RABGAP1L: variants seen among roughly 807,000 people sequenced by gnomAD.
RABGAP1L encodes RAB GTPase activating protein 1 like, also known as rab GTPase-activating protein 1-like.
A neutral mutation model predicts 137.7 loss-of-function variants in RABGAP1L; 63 were observed. The ratio of observed to expected loss-of-function variants is 0.46; its 90% CI spans 0.37 to 0.56. The LOEUF (loss-of-function observed/expected upper bound fraction) is 0.56. Among genes scored for constraint, RABGAP1L ranks in the 20% least tolerant of loss-of-function variants. The probability of loss-of-function intolerance (pLI) is 0.00; values close to 1 mark genes in which losing one functional copy is unlikely to be tolerated. For missense variants in RABGAP1L, 1,095 were observed against 1,244.0 expected (o/e 0.88, Z 1.80); for synonymous variants, 431 against 433.7 (o/e 0.99, Z 0.08).
intron 1 of RABGAP1L, among the ~76,000 whole-genome samples, chr1:174,178,781 G>A (rs1666106104): frequency 6.6e-6 from 1 of 152,172 alleles, no homozygotes; most frequent in Admixed American, 6.5e-5. Flanking sequence ...GAGTTGAACA[G>A]TAAGAACACA....
intron 4 of RABGAP1L, among the ~76,000 whole-genome samples, chr1:174,235,168 C>T (rs1671059353): frequency 7.0e-6 from 1 of 143,852 alleles, no homozygotes; most frequent in Admixed American, 6.9e-5. Flanking sequence ...AGATTTTGGG[C>T]TGAGACAATG....
chr1:174,360,247 A>G (rs1034353688), intron 11 of RABGAP1L, among the ~76,000 whole-genome samples: 1 of 151,452 alleles, frequency 6.6e-6, no homozygotes, highest in Non-Finnish European at 1.5e-5. Flanking sequence ...AAAAGTTAAA[A>G]TTTTTTTTTG....
intron 13 of RABGAP1L, among the ~76,000 whole-genome samples, chr1:174,599,283 T>A (rs1371452107): frequency 6.6e-6 from 1 of 152,262 alleles, no homozygotes; most frequent in African/African-American, 2.4e-5. Flanking sequence ...TCTATTTAAA[T>A]CTTATTACAC....
chr1:174,237,519 T>C (rs2148534943), intron 4 of RABGAP1L, among the ~76,000 whole-genome samples: 1 of 60,896 alleles, frequency 1.6e-5, no homozygotes, highest in African/African-American at 7.1e-5. Context: ...TTATTTCTCC[T>C]TCACTTATGA....
intron 20 of RABGAP1L, among the ~76,000 whole-genome samples, chr1:174,964,157 C>T (rs530564466): frequency 6.6e-6 from 1 of 152,158 alleles, no homozygotes. Flanking sequence ...TAGCTGTCAA[C>T]TCTTTTAAAA....
intron 18 of RABGAP1L, among the ~76,000 whole-genome samples, chr1:174,777,992 A>G (rs1686665019): frequency 6.6e-6 from 1 of 152,218 alleles, no homozygotes; most frequent in Non-Finnish European, 1.5e-5. Context: ...TGAAGAAATA[A>G]TGGCTGATAT....
chr1:174,912,098 A>T lies in RABGAP1L; in HGVS notation c.2341-45359A>T, dbSNP rs148037694. On this transcript the variant is annotated intron_variant, in intron 19 of 25. Transcript: ENST00000681986. ...TTATCACAAGAAATAGCAGAAAAAA[A>T]ATATATAGTCTTTGATTTCATTAAA... is the stretch of plus-strand genomic sequence containing the variant. Among the ~76,000 whole-genome samples the T allele has an allele frequency of 6.4e-3, 968 of 152,020 alleles. 12 individuals are homozygous for T. The highest frequency in any genetic ancestry group is 0.022 in the African/African-American group (901 of 41,380).
intron 17 of RABGAP1L, among the ~76,000 whole-genome samples, chr1:174,734,784 T>A (rs1682790783): frequency 6.6e-6 from 1 of 152,148 alleles, no homozygotes. Flanking sequence ...TCATGTCCAA[T>A]AGAAATAGAA....
chr1:174,173,862 T>C (rs1271223791), intron 1 of RABGAP1L, among the ~76,000 whole-genome samples: 1 of 152,110 alleles, frequency 6.6e-6, no homozygotes, highest in Non-Finnish European at 1.5e-5. Flanking sequence ...TGAGTTGAGT[T>C]TATAGAAAGC....
chr1:174,333,832 T>C (rs763792152), intron 11 of RABGAP1L, among the ~76,000 whole-genome samples: 3 of 152,132 alleles, frequency 2.0e-5, no homozygotes, highest in Non-Finnish European at 4.4e-5. Flanking sequence ...TTCCACAGTA[T>C]TGTTAGAAAC....
intron 13 of RABGAP1L, among the ~76,000 whole-genome samples, chr1:174,533,246 G>A (rs1333840483): frequency 6.6e-6 from 1 of 152,050 alleles, no homozygotes; most frequent in Non-Finnish European, 1.5e-5. Flanking sequence ...AAATAAATAA[G>A]CAAACAAATA....
In RABGAP1L at chr1:174,876,555, T is replaced by C. The variant is rs866356600; in HGVS notation, c.2340+64595T>C. 2.6e-5 allele frequency among the ~76,000 whole-genome samples: 4 copies of C among 152,312 alleles called. No homozygotes were observed. The Middle Eastern group carries it at 0.01, about 389-fold the overall frequency. On this transcript the variant is annotated intron_variant, in intron 19 of 25. Coordinates refer to ENST00000681986, the MANE Select transcript of RABGAP1L (RefSeq NM_001366446.1). ...CTTTCAAACTTTTCATCTGGAAATA[T>C]GGCAGTTCATTTATGGTCTCCAGCT...
chr1:174,308,138 C>T (rs1309431207), intron 11 of RABGAP1L, among the ~76,000 whole-genome samples: 1 of 151,714 alleles, frequency 6.6e-6, no homozygotes, highest in Admixed American at 6.6e-5. Flanking sequence ...TTTAGGTCCC[C>T]TGTCCATTTA....
chr1:174,281,382 A>G (rs779575380), intron 10 of RABGAP1L, among the ~76,000 whole-genome samples: 2 of 152,168 alleles, frequency 1.3e-5, no homozygotes, highest in Non-Finnish European at 2.9e-5. Context: ...ACAAACCATT[A>G]GCTAGACACA....
At chr1:174,491,571 T>A (rs1038690287) in intron 13 of RABGAP1L, among the ~76,000 whole-genome samples, 28 of 152,102 alleles carry the variant, frequency 1.8e-4, no homozygotes, top group Non-Finnish European at 3.4e-4. Context: ...AAGCACTGTA[T>A]TAACCATTGT....
chr1:174,893,004 C>A, intron 19 of RABGAP1L: 1 of 201,830 alleles, frequency 5.0e-6, no homozygotes, highest in Non-Finnish European at 1.0e-5. Context: ...CCTCAGCCTC[C>A]CAAAGTGCTG....
At chr1:174,446,868 C>T (rs1355899688) in intron 13 of RABGAP1L, among the ~76,000 whole-genome samples, 2 of 152,088 alleles carry the variant, frequency 1.3e-5, no homozygotes, top group East Asian at 3.8e-4. Context: ...GGTATAGCAA[C>T]ATAGAACATG....
chr1:174,532,554 A>G (rs1164080720), intron 13 of RABGAP1L, among the ~76,000 whole-genome samples: 2 of 152,180 alleles, frequency 1.3e-5, no homozygotes, highest in Non-Finnish European at 2.9e-5. Context: ...GAGTATTTAA[A>G]CACATTCAGG....
intron 13 of RABGAP1L, among the ~76,000 whole-genome samples, chr1:174,407,340 T>G (rs546667735): frequency 3.9e-5 from 6 of 151,974 alleles, no homozygotes; most frequent in Non-Finnish European, 7.4e-5. Context: ...TTAATTTTCT[T>G]TTTTACCTGC....
Sources: gnomAD v4.1 joint callset for allele counts (sites outside exome capture counted in the v4.1 genomes callset) on GRCh38, gnomAD v4.1.1 for gene constraint, MANE v1.5 for transcripts, NCBI Gene and HGNC (gene_info 2026-07-23, HGNC 2026-07-21) for gene names.